The following PVT1 variants were observed in gnomAD, a reference collection of about 807,000 sequenced individuals.
The protein encoded by PVT1 is Pvt1 oncogene.
At chr8:127,820,229 T>G (rs1301256074) in intron 2 of PVT1, among the ~76,000 whole-genome samples, 1 of 152,160 alleles carries the variant, frequency 6.6e-6, no homozygotes, top group Non-Finnish European at 1.5e-5. Flanking sequence ...GCAGGCTCAT[T>G]CTGTTTACTC....
intron 3 of PVT1, among the ~76,000 whole-genome samples, chr8:127,894,171 C>A (rs1815645120): frequency 6.6e-6 from 1 of 152,220 alleles, no homozygotes; most frequent in Non-Finnish European, 1.5e-5. Flanking sequence ...CTGCCACCTA[C>A]ACTGACATCC....
chr8:127,841,801 C>T (rs761546593), intron 2 of PVT1, among the ~76,000 whole-genome samples: 1 of 152,084 alleles, frequency 6.6e-6, no homozygotes, highest in Non-Finnish European at 1.5e-5. Flanking sequence ...TCTTGGCTCA[C>T]TGCAACCTCT....
intron 5 of PVT1, among the ~76,000 whole-genome samples, chr8:128,095,398 C>T (rs1036073561): frequency 1.3e-5 from 2 of 152,080 alleles, no homozygotes; most frequent in Admixed American, 6.5e-5. Context: ...TGCCTGGCTG[C>T]GGGTGAGCAC....
At chr8:128,000,482 T>G (rs1006290221) in intron 4 of PVT1, among the ~76,000 whole-genome samples, 1 of 152,166 alleles carries the variant, frequency 6.6e-6, no homozygotes, top group African/African-American at 2.4e-5. Context: ...TGTTGAGAAA[T>G]GTTTTGACTA....
At chr8:127,902,213 T>G (rs1467481155) in intron 3 of PVT1, among the ~76,000 whole-genome samples, 1 of 152,124 alleles carries the variant, frequency 6.6e-6, no homozygotes, top group Admixed American at 6.5e-5. Context: ...AGTCCAACAC[T>G]CTGGGAACCT....
intron 2 of PVT1, among the ~76,000 whole-genome samples, chr8:127,809,177 G>T (rs1330514043): frequency 6.6e-6 from 1 of 151,860 alleles, no homozygotes; most frequent in East Asian, 1.9e-4. Flanking sequence ...GGGTGATAGG[G>T]AACTATTGAA....
chr8:127,837,395 GTT>G lies in PVT1; in HGVS notation n.372+41336_372+41337del, dbSNP rs368894030. Reference sequence around the variant, plus strand: ...TATCACTGAAGCGTTTTTTGTTGTTGTTTTTTTTTTTTTGAATACCGGAAATT... The same window carrying G: ...TATCACTGAAGCGTTTTTTGTTGTTGTTTTTTTTTTTGAATACCGGAAATT... On this transcript the variant is annotated intron_variant and non_coding_transcript_variant, in intron 2 of 10. Coordinates refer to ENST00000651587, the Ensembl canonical transcript of PVT1. Among the ~76,000 whole-genome samples the G allele has an allele frequency of 2.9e-3, 414 of 140,856 alleles. 2 individuals carry two copies. Among genetic ancestry groups the G allele is most frequent in the African/African-American group, 0.01 (395 of 38,448 alleles). 92.4% of individuals were successfully genotyped at this position (140,856 alleles called of 152,430 possible).
At chr8:128,033,939 G>C (rs540670540) in intron 4 of PVT1, among the ~76,000 whole-genome samples, 1 of 152,158 alleles carries the variant, frequency 6.6e-6, no homozygotes, top group Non-Finnish European at 1.5e-5. Flanking sequence ...TTAAGAAGAC[G>C]TATTTGAAAG....
intron 2 of PVT1, among the ~76,000 whole-genome samples, chr8:127,868,803 GTACATA>G (rs1563625727): frequency 2.0e-4 from 11 of 54,588 alleles, no homozygotes; most frequent in Admixed American, 6.0e-4. Flanking sequence ...ACATATATAT[GTACATA>G]TATATATATA....
intron 2 of PVT1, among the ~76,000 whole-genome samples, chr8:127,818,299 A>G (rs894837856): frequency 7.9e-5 from 12 of 152,138 alleles, no homozygotes; most frequent in African/African-American, 2.7e-4. Flanking sequence ...ACTTATCGCA[A>G]CTGAATAGAA....
chr8:127,889,039 TCTTCCTTC>T lies in PVT1; in HGVS notation n.373-1496_373-1489del, dbSNP rs1201472699. Among the ~76,000 whole-genome samples the T allele has an allele frequency of 3.8e-4, 31 of 82,580 alleles. 1 individual carries two copies. In the East Asian group the frequency reaches 7.3e-3, roughly 19 times the overall value. The allele number at this position is 82,580 out of a possible 152,430, so 54.2% of individuals were successfully genotyped here. On this transcript the variant is annotated intron_variant and non_coding_transcript_variant, in intron 2 of 10. Coordinates refer to ENST00000651587, the Ensembl canonical transcript of PVT1. The stretch of plus-strand genomic sequence containing the variant: ...ACCCCTTTTCCTTTCTCTCTTTCTT[TCTTCCTTC>T]CTTCCTTCCTTCCTTCCTTCCTTCC...
At chr8:128,095,809 C>A (rs1814420889) in intron 5 of PVT1, among the ~76,000 whole-genome samples, 1 of 152,228 alleles carries the variant, frequency 6.6e-6, no homozygotes, top group African/African-American at 2.4e-5. Flanking sequence ...AACAAGGAAC[C>A]AGCTTGAGGT....
At chr8:127,817,489 G>GTATATATACATATA (rs1490929524) in intron 2 of PVT1, among the ~76,000 whole-genome samples, 3 of 124,024 alleles carry the variant, frequency 2.4e-5, no homozygotes, top group African/African-American at 1.0e-4. Context: ...GTGTGTGTGT[G>GTATATATACATATA]TGTATATACA....
chr8:127,896,785 G>A (rs58084056), intron 3 of PVT1, among the ~76,000 whole-genome samples: 25,630 of 100,602 alleles, frequency 0.25, 2,155 homozygotes, highest in Middle Eastern at 0.3. Flanking sequence ...CCCCCCCCCC[G>A]CCCCCGACCC....
rs73355241 is a variant in PVT1 at position 127,846,692 on chromosome 8, T to G, written n.373-43897T>G. Among the ~76,000 whole-genome samples, 1,072 of 152,056 alleles carry G rather than the reference T, an allele frequency of 7.1e-3. 13 individuals carry two copies. Among genetic ancestry groups the G allele is most frequent in the African/African-American group, 0.025 (1,022 of 41,464 alleles). On this transcript the variant is annotated intron_variant and non_coding_transcript_variant, in intron 2 of 10. Coordinates refer to ENST00000651587, the Ensembl canonical transcript of PVT1. ...AGGAAAGGGGCCCCAAATGGTACTCTCTTTTTTTTTGAGATGTTGCCCAGG... is the reference window on the plus strand; with the variant it reads ...AGGAAAGGGGCCCCAAATGGTACTCGCTTTTTTTTTGAGATGTTGCCCAGG...
intron 2 of PVT1, among the ~76,000 whole-genome samples, chr8:127,819,230 C>A (rs1172655801): frequency 6.6e-6 from 1 of 152,138 alleles, no homozygotes; most frequent in Non-Finnish European, 1.5e-5. Flanking sequence ...TTTTCTCTTC[C>A]CAGCTCTGGA....
At chr8:128,065,578 C>G (rs1813898752) in intron 4 of PVT1, among the ~76,000 whole-genome samples, 1 of 152,088 alleles carries the variant, frequency 6.6e-6, no homozygotes, top group Non-Finnish European at 1.5e-5. Flanking sequence ...GCCCTGAACC[C>G]TGAGGGTAAG....
intron 4 of PVT1, among the ~76,000 whole-genome samples, chr8:128,035,279 AG>A (rs1386511424): frequency 6.6e-6 from 1 of 152,206 alleles, no homozygotes. Flanking sequence ...GGGAACACAC[AG>A]GGTTAGGAAA....
At chr8:128,021,476 G>A (rs917354123) in intron 4 of PVT1, among the ~76,000 whole-genome samples, 1 of 151,866 alleles carries the variant, frequency 6.6e-6, no homozygotes, top group Non-Finnish European at 1.5e-5. Flanking sequence ...TGTATTTTTA[G>A]TAGAGACAGG....
Sources: allele counts gnomAD v4.1 joint callset (sites outside exome capture counted in the v4.1 genomes callset), GRCh38; gene constraint gnomAD v4.1.1; transcripts MANE v1.5; gene names NCBI Gene and HGNC (gene_info 2026-07-23, HGNC 2026-07-21).